The following CNGB3 variants were observed in gnomAD, a reference collection of about 807,000 sequenced individuals.
CNGB3 encodes the protein cyclic nucleotide-gated channel beta-3.
CNGB3 carries 86 observed loss-of-function variants against 92.8 expected under a neutral mutation model. The observed-to-expected ratio is 0.93, with a 90% confidence interval of 0.78 to 1.11. The LOEUF is 1.11. Among genes scored for constraint, CNGB3 ranks in the 50% least tolerant of loss-of-function variants. CNGB3 has a pLI of 0.00. For missense variants in CNGB3, 1,026 were observed against 956.8 expected, an observed-to-expected ratio of 1.07 and a Z score of -0.95; for synonymous variants, 333 against 332.7, an observed-to-expected ratio of 1.00 and a Z score of -0.01.
At chr8:86,659,059 G>C in intron 6 of CNGB3, 1 of 892,728 alleles carries the variant, frequency 1.1e-6, no homozygotes, top group East Asian at 2.5e-5. Context: ...ACCTCAGAGG[G>C]CCCTGCTGGG....
At chr8:86,701,207 T>C (rs1824550482) in intron 3 of CNGB3, among the ~76,000 whole-genome samples, 2 of 152,202 alleles carry the variant, frequency 1.3e-5, no homozygotes, top group African/African-American at 2.4e-5. Context: ...TCCCATCTTT[T>C]AGATTCAGCT....
At position 86,671,053 on chromosome 8, in the gene CNGB3, G is replaced by A. The variant is rs137853910; in HGVS notation, c.384C>T (p.Ala128=). 5.0e-6 allele frequency: 8 copies of A among 1,613,694 alleles called. No homozygotes were observed. The African/African-American group carries it at 5.3e-5, about 11-fold the overall frequency. ...TCACCAGGTTGTGTAGCTGGGCATC[G>A]GCATACTCATTTATAACAGGAGCTG... ...PPAAPVINEY[A]DAQLHNLVKR... Residue 128 remains alanine (A), a synonymous_variant, in exon 4 of 18, where the codon GCC becomes GCT. Transcript: ENST00000320005.
At chr8:86,616,500 C>T (rs76823400) in intron 13 of CNGB3, among the ~76,000 whole-genome samples, 9,197 of 151,754 alleles carry the variant, frequency 0.061, 360 homozygotes, top group Middle Eastern at 0.11. Context: ...ATATACATTG[C>T]TTCATTATTG....
At chr8:86,730,088 C>T (rs1825132908) in intron 2 of CNGB3, among the ~76,000 whole-genome samples, 1 of 152,188 alleles carries the variant, frequency 6.6e-6, no homozygotes, top group African/African-American at 2.4e-5. Context: ...TTGCTCTCCA[C>T]ACACCAGGCT....
intron 13 of CNGB3, among the ~76,000 whole-genome samples, chr8:86,621,790 C>T (rs988861544): frequency 2.6e-5 from 4 of 152,264 alleles, no homozygotes; most frequent in East Asian, 3.9e-4. Flanking sequence ...TCCAGCCAGG[C>T]GTGGTGGCTC....
rs1563734026 is a variant in CNGB3 at position 86,632,819 on chromosome 8, A to T, written c.1253T>A (p.Phe418Tyr). 3 of 1,613,026 alleles carry T rather than the reference A, an allele frequency of 1.9e-6. No homozygotes were observed. The highest frequency in any genetic ancestry group is 2.5e-6 in the Non-Finnish European group (3 of 1,179,844). The change falls in exon 11 of 18, where the codon TTT becomes TAT. Residue 418 changes from phenylalanine (F) to tyrosine (Y), a missense_variant. Phe to Tyr is a conservative substitution (Grantham distance 22). Coordinates refer to ENST00000320005, the MANE Select transcript of CNGB3 (RefSeq NM_019098.5). ...ATTCAAGAGTTGAAAAACAATTTCA[A>T]ATAAAGTTTGTGGTTCTGGAAGGCC... ...IGGLPEPQTL[F>Y]EIVFQLLNFF...
In CNGB3 at chr8:86,688,158, C is replaced by T. The variant is rs116201297; in HGVS notation, c.339-17060G>A. Reference sequence around the variant, plus strand: ...TCTTATGGGAGCTAAGAGAGGACCACGAGAGAGATGTTTTGCATGGTACTT... The same window carrying T: ...TCTTATGGGAGCTAAGAGAGGACCATGAGAGAGATGTTTTGCATGGTACTT... On this transcript the variant is annotated intron_variant, in intron 3 of 17. Coordinates refer to ENST00000320005, the MANE Select transcript of CNGB3 (RefSeq NM_019098.5). Among the ~76,000 whole-genome samples the T allele has an allele frequency of 5.6e-3, 857 of 152,042 alleles. 9 individuals are homozygous for T. The highest frequency in any genetic ancestry group is 0.015 in the African/African-American group (632 of 41,510).
intron 17 of CNGB3, 109 bp from the exon 18 acceptor site, chr8:86,576,239 G>T: frequency 1.8e-6 from 2 of 1,117,082 alleles, no homozygotes; most frequent in Non-Finnish European, 2.6e-6. Flanking sequence ...CAGACTGTCT[G>T]AATTAAGTGA....
At chr8:86,689,021 C>T (rs1824245700) in intron 3 of CNGB3, among the ~76,000 whole-genome samples, 1 of 148,080 alleles carries the variant, frequency 6.8e-6, no homozygotes, top group African/African-American at 2.5e-5. Context: ...TTTTTAAATT[C>T]TTTTTTTTTT....
At chr8:86,734,618 A>T (rs1020561729) in intron 2 of CNGB3, among the ~76,000 whole-genome samples, 3 of 152,230 alleles carry the variant, frequency 2.0e-5, no homozygotes, top group Non-Finnish European at 4.4e-5. Flanking sequence ...CAGTGATTTA[A>T]GAAAGGGAAT....
intron 3 of CNGB3, among the ~76,000 whole-genome samples, chr8:86,687,041 G>T (rs551394351): frequency 1.3e-5 from 2 of 152,104 alleles, no homozygotes; most frequent in East Asian, 3.9e-4. Context: ...GTTAAAGATT[G>T]TTCAAAACAC....
At chr8:86,714,715 C>T (rs905796427) in intron 3 of CNGB3, among the ~76,000 whole-genome samples, 5 of 152,124 alleles carry the variant, frequency 3.3e-5, no homozygotes, top group Non-Finnish European at 7.3e-5. Flanking sequence ...AGTCTGTTTG[C>T]TGTCTCAATG....
chr8:86,682,401 G>T (rs1479470998), intron 3 of CNGB3, among the ~76,000 whole-genome samples: 1 of 152,186 alleles, frequency 6.6e-6, no homozygotes, highest in Non-Finnish European at 1.5e-5. Context: ...GACCAATTAG[G>T]TCAGCAACTT....
At chr8:86,611,007 A>G (rs1822507807) in intron 14 of CNGB3, among the ~76,000 whole-genome samples, 1 of 152,220 alleles carries the variant, frequency 6.6e-6, no homozygotes, top group South Asian at 2.1e-4. Flanking sequence ...TGCCACTTTT[A>G]TAGCACAAGC....
chr8:86,613,964 T>C (rs1822568510), intron 13 of CNGB3, among the ~76,000 whole-genome samples: 1 of 148,088 alleles, frequency 6.8e-6, no homozygotes, highest in African/African-American at 2.4e-5. Flanking sequence ...TTATATACAA[T>C]TTATATATAA....
chr8:86,612,134 C>T (rs1182599653), intron 13 of CNGB3, among the ~76,000 whole-genome samples: 3 of 151,848 alleles, frequency 2.0e-5, no homozygotes, highest in Admixed American at 2.0e-4. Flanking sequence ...ATTATTTAAC[C>T]TTGCAGGCTG....
chr8:86,632,741 A>T lies in CNGB3; in HGVS notation c.1320+11T>A. 1 of 1,612,916 alleles carries T rather than the reference A, an allele frequency of 6.2e-7. No individual in the cohort carries two copies. The highest frequency in any genetic ancestry group is 1.1e-5 in the South Asian group (1 of 90,998). On this transcript the variant is annotated intron_variant, in intron 11 of 17. Coordinates refer to ENST00000320005, the MANE Select transcript of CNGB3 (RefSeq NM_019098.5). ...CAGCACTGTGTATCCAGTGATTCAT[A>T]CTCAGCTTACCTGACCAATTAAACT...
chr8:86,735,909 G>A (rs1825244889), intron 2 of CNGB3, among the ~76,000 whole-genome samples: 1 of 152,012 alleles, frequency 6.6e-6, no homozygotes, highest in African/African-American at 2.4e-5. Flanking sequence ...TACACAAATA[G>A]GGTCACTTAA....
intron 3 of CNGB3, among the ~76,000 whole-genome samples, chr8:86,725,725 G>A (rs1825051819): frequency 6.6e-6 from 1 of 152,200 alleles, no homozygotes; most frequent in African/African-American, 2.4e-5. Flanking sequence ...TAGAGGTGCT[G>A]CTGAGAGAGA....
Sources: gnomAD v4.1 joint callset for allele counts (sites outside exome capture counted in the v4.1 genomes callset) on GRCh38, gnomAD v4.1.1 for gene constraint, MANE v1.5 for transcripts, NCBI Gene and HGNC (gene_info 2026-07-23, HGNC 2026-07-21) for gene names.